Variants in KLF12 observed in about 807,000 individuals in gnomAD.
KLF12 encodes KLF transcription factor 12.
Under a neutral mutation model 37.8 loss-of-function variants are expected in KLF12, and 9 were observed. That is an observed-to-expected ratio of 0.24 (90% CI 0.14 to 0.42). The LOEUF is 0.42. KLF12 is among the 10% of genes least tolerant of loss of function. The pLI is 1.00. For synonymous variants in KLF12, 208 were observed against 202.1 expected, an observed-to-expected ratio of 1.03 and a Z score of -0.25; for missense variants, 411 against 516.0, an observed-to-expected ratio of 0.80 and a Z score of 1.97.
chr13:73,772,563 G>A (rs1247342292), intron 5 of KLF12, among the ~76,000 whole-genome samples: 1 of 152,208 alleles, frequency 6.6e-6, no homozygotes, highest in African/African-American at 2.4e-5. Flanking sequence ...GCACCAAAGG[G>A]TAGGAATGTG....
intron 2 of KLF12, among the ~76,000 whole-genome samples, chr13:73,980,377 C>T (rs142685690): frequency 3.3e-5 from 5 of 152,082 alleles, no homozygotes; most frequent in Admixed American, 6.5e-5. Flanking sequence ...TACCAAAACC[C>T]AGTCAGAATA....
At chr13:74,010,780 A>G (rs1892531682) in intron 1 of KLF12, among the ~76,000 whole-genome samples, 1 of 152,226 alleles carries the variant, frequency 6.6e-6, no homozygotes, top group Admixed American at 6.5e-5. Context: ...TTAAGAAAGC[A>G]GAAATTTAGT....
At chr13:73,960,230 T>C (rs1428133090) in intron 2 of KLF12, 3 of 169,302 alleles carry the variant, frequency 1.8e-5, no homozygotes, top group African/African-American at 7.2e-5. Flanking sequence ...TGTCTTGATA[T>C]AAATGACGAA....
chr13:73,989,195 T>G (rs1006348672), intron 2 of KLF12, among the ~76,000 whole-genome samples: 1 of 152,092 alleles, frequency 6.6e-6, no homozygotes, highest in Non-Finnish European at 1.5e-5. Context: ...AAATAAACCC[T>G]CCACCTTTAG....
intron 1 of KLF12, among the ~76,000 whole-genome samples, chr13:74,070,662 TA>T (rs1373671350): frequency 6.6e-6 from 1 of 152,084 alleles, no homozygotes; most frequent in African/African-American, 2.4e-5. Flanking sequence ...GTTCTTGACT[TA>T]CAGAGATCTA....
intron 1 of KLF12, among the ~76,000 whole-genome samples, chr13:74,020,734 CA>C (rs1172380651): frequency 6.6e-6 from 1 of 151,810 alleles, no homozygotes; most frequent in African/African-American, 2.4e-5. Flanking sequence ...ACTAAAAACA[CA>C]AAAAAATTAG....
At chr13:73,926,846 G>A (rs1278588362) in intron 3 of KLF12, among the ~76,000 whole-genome samples, 3 of 151,058 alleles carry the variant, frequency 2.0e-5, no homozygotes, top group Non-Finnish European at 4.4e-5. Context: ...TATCATTTCA[G>A]TAAAATGGAG....
chr13:74,233,888 T>C, the KLF12 span, among the ~76,000 whole-genome samples: 3 of 152,104 alleles, frequency 2.0e-5, no homozygotes, highest in East Asian at 5.8e-4. Context: ...AAATGAACAA[T>C]TGGAATTTGA....
intron 2 of KLF12, among the ~76,000 whole-genome samples, chr13:73,970,757 A>G (rs1307186103): frequency 6.6e-6 from 1 of 152,204 alleles, no homozygotes; most frequent in Non-Finnish European, 1.5e-5. Context: ...AGCAAAGCAC[A>G]TACTGGCAGC....
intron 3 of KLF12, among the ~76,000 whole-genome samples, chr13:73,912,480 C>T (rs1888615474): frequency 6.6e-6 from 1 of 152,186 alleles, no homozygotes; most frequent in South Asian, 2.1e-4. Flanking sequence ...CTTATAAGAA[C>T]AGGAGAAGAA....
At chr13:73,722,336 T>G (rs1414554850) in intron 6 of KLF12, among the ~76,000 whole-genome samples, 3 of 152,178 alleles carry the variant, frequency 2.0e-5, no homozygotes, top group African/African-American at 7.2e-5. Flanking sequence ...ATATCTGCAT[T>G]TCTTTGTAGG....
rs192214382 is a variant in KLF12, at chr13:73,707,549, A to G, written c.1027+7819T>C. Among the ~76,000 whole-genome samples the G allele has an allele frequency of 9.2e-5, 14 of 152,234 alleles. No homozygotes were observed. The East Asian group carries it at 2.1e-3, about 23-fold the overall frequency. On this transcript the variant is annotated intron_variant, in intron 7 of 7. Coordinates refer to ENST00000377669, the MANE Select transcript of KLF12 (RefSeq NM_007249.5). ...AAAAATGTCAGTGTGCTCTTAAATGATTTATTATCTTGGCATCACTAAGCA... is the reference window on the plus strand; with the variant it reads ...AAAAATGTCAGTGTGCTCTTAAATGGTTTATTATCTTGGCATCACTAAGCA...
rs192206287 is a variant in KLF12, at chr13:74,014,539, G to A, written c.-31-19486C>T. On this transcript the variant is annotated intron_variant, in intron 1 of 7. Transcript: ENST00000377669. The stretch of plus-strand genomic sequence containing the variant: ...GTTGCCACAGGGGACTATTGATATA[G>A]GAAATATGGCTGGAGAGATATGGAA... Among the ~76,000 whole-genome samples the A allele has an allele frequency of 3.7e-4, 56 of 152,208 alleles. 1 individual carries two copies. Among genetic ancestry groups the A allele is most frequent in the Admixed American group, 9.2e-4 (14 of 15,292 alleles).
At chr13:73,897,639 T>C (rs1452807435) in intron 3 of KLF12, among the ~76,000 whole-genome samples, 4 of 152,156 alleles carry the variant, frequency 2.6e-5, no homozygotes, top group Non-Finnish European at 4.4e-5. Context: ...TTTATCTATT[T>C]CTCTTCACAC....
intron 6 of KLF12, among the ~76,000 whole-genome samples, chr13:73,732,626 G>A (rs1311285335): frequency 6.6e-6 from 1 of 152,110 alleles, no homozygotes; most frequent in Non-Finnish European, 1.5e-5. Context: ...CAATGTTGGA[G>A]GTTCCCTGAG....
chr13:73,985,640 C>A (rs17061867), intron 2 of KLF12, among the ~76,000 whole-genome samples: 1 of 152,066 alleles, frequency 6.6e-6, no homozygotes, highest in Non-Finnish European at 1.5e-5. Context: ...CATTGTCAAG[C>A]GGCCTTTCAT....
At chr13:74,110,015 T>C (rs2138917732) in intron 1 of KLF12, among the ~76,000 whole-genome samples, 1 of 152,280 alleles carries the variant, frequency 6.6e-6, no homozygotes, top group Non-Finnish European at 1.5e-5. Flanking sequence ...GATGTGGGAC[T>C]AAGAGAGGAT....
the KLF12 span, among the ~76,000 whole-genome samples, chr13:74,176,348 T>C: frequency 1.3e-5 from 2 of 152,322 alleles, no homozygotes; most frequent in South Asian, 4.1e-4. Flanking sequence ...ATAAAATTTT[T>C]CATTTGACTG....
intron 2 of KLF12, among the ~76,000 whole-genome samples, chr13:73,948,575 T>C (rs1325013477): frequency 6.6e-6 from 1 of 152,210 alleles, no homozygotes; most frequent in Non-Finnish European, 1.5e-5. Flanking sequence ...AGTAACATCC[T>C]GTGGGTACCT....
Sources: gnomAD v4.1 joint callset for allele counts (sites outside exome capture counted in the v4.1 genomes callset) on GRCh38, gnomAD v4.1.1 for gene constraint, MANE v1.5 for transcripts, NCBI Gene and HGNC (gene_info 2026-07-23, HGNC 2026-07-21) for gene names.